The following RIPOR3 variants were observed in gnomAD, a reference collection of about 807,000 sequenced individuals.
RIPOR3 encodes family with sequence similarity 65 member C.
RIPOR3 carries 95 observed loss-of-function variants against 114.3 expected under a neutral mutation model. The ratio of observed to expected loss-of-function variants is 0.83; its 90% confidence interval spans 0.70 to 0.99. RIPOR3 has a LOEUF of 0.99. RIPOR3 is among the 50% of genes least tolerant of loss of function. The pLI is 0.00. For synonymous variants in RIPOR3, 575 were observed against 543.8 expected, an observed-to-expected ratio of 1.06 and a Z score of -0.80; for missense variants, 1,252 against 1,266.9, an observed-to-expected ratio of 0.99 and a Z score of 0.18.
At chr20:50,591,371 G>A (rs1170842365) in intron 19 of RIPOR3, among the ~76,000 whole-genome samples, 3 of 152,184 alleles carry the variant, frequency 2.0e-5, no homozygotes, top group African/African-American at 7.2e-5. Flanking sequence ...GCCTCAGGTT[G>A]CTTCAAAGTG....
At chr20:50,600,824 T>G (rs1457956642) in intron 13 of RIPOR3, among the ~76,000 whole-genome samples, 3 of 152,238 alleles carry the variant, frequency 2.0e-5, no homozygotes, top group Admixed American at 6.5e-5. Context: ...TTTCTGGAAA[T>G]TTTCAGGCAG....
intron 2 of RIPOR3, among the ~76,000 whole-genome samples, chr20:50,626,487 C>T (rs2084624097): frequency 1.3e-5 from 2 of 152,250 alleles, no homozygotes; most frequent in Admixed American, 6.5e-5. Context: ...CTCTGTCCTC[C>T]TTCCTCCCAA....
intron 20 of RIPOR3, among the ~76,000 whole-genome samples, chr20:50,588,373 C>T (rs1372342176): frequency 6.6e-6 from 1 of 152,150 alleles, no homozygotes; most frequent in Non-Finnish European, 1.5e-5. Context: ...CCAGCTTCTC[C>T]TCTTAGAATT....
chr20:50,609,723 C>T lies in RIPOR3; in HGVS notation c.427-1G>A, dbSNP rs2083881526. ...AGTAGTCCTCGTACAGCTCATCCAC[C>T]TGTGGTGGGCACACGGGCTGGTGGC... is the stretch of plus-strand genomic sequence containing the variant. On this transcript the variant is annotated splice_acceptor_variant, in intron 6 of 21. Transcript: ENST00000327979. LOFTEE classifies it high-confidence loss of function. 7.3e-7 allele frequency: 1 copy of T among 1,368,720 alleles called. No individual in the cohort carries two copies. Among genetic ancestry groups the T allele is most frequent in the East Asian group, 3.0e-5 (1 of 33,834 alleles). The allele number at this position is 1,368,720 out of a possible 1,614,324, so 84.8% of individuals were successfully genotyped here.
chr20:50,652,569 C>T (rs567109755), intron 1 of RIPOR3, among the ~76,000 whole-genome samples: 8 of 114,908 alleles, frequency 7.0e-5, no homozygotes, highest in Admixed American at 3.9e-4. Context: ...CCAGCCTGGG[C>T]GACAGAGAGA....
chr20:50,593,043 G>A lies in RIPOR3; in HGVS notation c.2366C>T (p.Thr789Ile). The A allele has an allele frequency of 6.2e-7, 1 of 1,614,044 alleles. No individual in the cohort carries two copies. The change falls in exon 18 of 22, where the codon ACC (threonine) becomes ATC (isoleucine). Residue 789 changes from threonine (T) to isoleucine (I), a missense_variant. Transcript: ENST00000327979. Reference sequence around the variant, plus strand: ...ACCCACCCCAGTCTTACCTTCCTTGGTGAGCTGGGTGAAGTGCTTCTCCAG... The same window carrying A: ...ACCCACCCCAGTCTTACCTTCCTTGATGAGCTGGGTGAAGTGCTTCTCCAG... ...SDLEKHFTQL[T>I]KEVTLIEELH...
At chr20:50,666,109 C>T (rs888166534) in intron 1 of RIPOR3, among the ~76,000 whole-genome samples, 1 of 150,690 alleles carries the variant, frequency 6.6e-6, no homozygotes, top group Non-Finnish European at 1.5e-5. Context: ...TGACAGTGAA[C>T]ATCTAGGGCC....
At position 50,602,132 on chromosome 20, in the gene RIPOR3, G is replaced by A; in HGVS notation, c.1599C>T (p.Ser533=). The change falls in exon 13 of 22, where the codon TCC becomes TCT. Residue 533 remains serine (S), a synonymous_variant. Coordinates refer to ENST00000327979, the MANE Select transcript of RIPOR3 (RefSeq NM_001290268.2). The surrounding 1 kb of genome is among the most constrained non-coding windows in gnomAD (Gnocchi z 4.3). Reference sequence around the variant, plus strand: ...CCAGCTCCCGGAGCTGGGGCTGGGTGGAGTCCGTGGGCCTCAGCAACTCCA... The same window carrying A: ...CCAGCTCCCGGAGCTGGGGCTGGGTAGAGTCCGTGGGCCTCAGCAACTCCA... The part of the protein sequence containing the change: ...EVLELLRPTD[S]TQPQLRELEY... The A allele has an allele frequency of 2.5e-6, 4 of 1,609,532 alleles. No individual in the cohort carries two copies. Among genetic ancestry groups the A allele is most frequent in the Non-Finnish European group, 3.4e-6 (4 of 1,178,006 alleles).
chr20:50,649,495 G>C (rs115072742), intron 1 of RIPOR3, among the ~76,000 whole-genome samples: 1 of 152,138 alleles, frequency 6.6e-6, no homozygotes, highest in African/African-American at 2.4e-5. Context: ...ACTCAGAGGT[G>C]GGACAATGGT....
rs753630807 is a variant in RIPOR3 at position 50,620,013 on chromosome 20, ATCT to A, written c.239_241del (p.Lys80del). 2 of 1,612,986 alleles carry A rather than the reference ATCT, an allele frequency of 1.2e-6. No homozygotes were observed. The highest frequency in any genetic ancestry group is 1.1e-5 in the South Asian group (1 of 91,046). ...GAGGCCTCTTTTCAATGCTTCGAAG[ATCT>A]TCTTCACCTGCTGGGGCTTCGGGTC... On this transcript the variant is annotated inframe_deletion, in exon 3 of 22. Transcript: ENST00000327979.
At position 50,589,666 on chromosome 20, in the gene RIPOR3, T is replaced by C. The variant is rs1410010103; in HGVS notation, c.2661+20A>G. ...AGCAGGCTTTTCTATCAGCCACTAA[T>C]GGGGAAACGTCAGGCTCACCTTGAG... On this transcript the variant is annotated intron_variant, in intron 20 of 21. Coordinates refer to ENST00000327979, the MANE Select transcript of RIPOR3 (RefSeq NM_001290268.2). 1.9e-6 allele frequency: 3 copies of C among 1,612,098 alleles called. No individual in the cohort carries two copies. Among genetic ancestry groups the C allele is most frequent in the East Asian group, 2.2e-5 (1 of 44,846 alleles).
rs2082939667 is a variant in RIPOR3 at position 50,586,920 on chromosome 20, G to A, written c.*312C>T. 1 of 286,086 alleles carries A rather than the reference G, an allele frequency of 3.5e-6. No individual in the cohort carries two copies. The highest frequency in any genetic ancestry group is 7.2e-5 in the South Asian group (1 of 13,984). The allele number at this position is 286,086 out of a possible 1,614,324, so 17.7% of individuals were successfully genotyped here. ...CTTGCCTGGCCTTGGCCCTTTTGTA[G>A]GTGGCCACCTAGTTTGGCTCAGCTC... On this transcript the variant is annotated 3_prime_UTR_variant, in exon 22 of 22. Coordinates refer to ENST00000327979, the MANE Select transcript of RIPOR3 (RefSeq NM_001290268.2).
At chr20:50,665,973 C>T (rs2086176937) in intron 1 of RIPOR3, among the ~76,000 whole-genome samples, 1 of 151,732 alleles carries the variant, frequency 6.6e-6, no homozygotes, top group African/African-American at 2.4e-5. Flanking sequence ...AAATTCCCTT[C>T]TTTGCTTAAG....
intron 1 of RIPOR3, among the ~76,000 whole-genome samples, chr20:50,644,128 T>A (rs1028558918): frequency 1.3e-5 from 2 of 151,940 alleles, no homozygotes; most frequent in Non-Finnish European, 2.9e-5. Context: ...TCTAAAAAAA[T>A]TTAAAAATAA....
chr20:50,672,955 G>A (rs1245819967), intron 1 of RIPOR3, among the ~76,000 whole-genome samples: 1 of 152,210 alleles, frequency 6.6e-6, no homozygotes, highest in Non-Finnish European at 1.5e-5. Flanking sequence ...ATGGAGATTT[G>A]GGGGTAAACC....
At chr20:50,606,820 C>T (rs1338434559) in intron 11 of RIPOR3, among the ~76,000 whole-genome samples, 1 of 152,102 alleles carries the variant, frequency 6.6e-6, no homozygotes, top group South Asian at 2.1e-4. Flanking sequence ...GCCTCCGCCT[C>T]CCCGGTTCAA....
At chr20:50,628,600 T>C (rs1188772850) in intron 2 of RIPOR3, among the ~76,000 whole-genome samples, 1 of 151,818 alleles carries the variant, frequency 6.6e-6, no homozygotes, top group Non-Finnish European at 1.5e-5. Flanking sequence ...AGACCATGGG[T>C]GCCCTCCCCC....
intron 1 of RIPOR3, among the ~76,000 whole-genome samples, chr20:50,655,432 T>A (rs1478268786): frequency 6.6e-6 from 1 of 152,176 alleles, no homozygotes; most frequent in African/African-American, 2.4e-5. Flanking sequence ...CTCACTGCAG[T>A]TACCAAGCAA....
chr20:50,627,229 A>G (rs1168644821), intron 2 of RIPOR3, among the ~76,000 whole-genome samples: 3 of 150,898 alleles, frequency 2.0e-5, no homozygotes, highest in African/African-American at 4.9e-5. Flanking sequence ...TGCCAGGCAC[A>G]GTGGCTCACA....
Sources: gnomAD v4.1 joint callset for allele counts (sites outside exome capture counted in the v4.1 genomes callset) on GRCh38, gnomAD v4.1.1 for gene constraint, Gnocchi (gnomAD v3.1) non-coding constraint, MANE v1.5 for transcripts, NCBI Gene and HGNC (gene_info 2026-07-23, HGNC 2026-07-21) for gene names.